PPP1R14D: variants seen among roughly 807,000 people sequenced by gnomAD.
PPP1R14D encodes protein phosphatase 1 regulatory inhibitor subunit 14D, also known as protein phosphatase 1 regulatory subunit 14D.
In PPP1R14D, 14 loss-of-function variants were observed where a neutral mutation model predicts 17.1. That is an observed-to-expected ratio of 0.82 (90% CI 0.54 to 1.28). The LOEUF is 1.28. Ranked by LOEUF, PPP1R14D falls within the 50% of genes most tolerant of loss-of-function variation. The pLI is 0.00. For missense variants in PPP1R14D, 173 were observed against 179.2 expected, an observed-to-expected ratio of 0.97 and a Z score of 0.20; for synonymous variants, 67 against 66.1, an observed-to-expected ratio of 1.01 and a Z score of -0.06.
intron 3 of PPP1R14D, 34 bp from the exon 4 acceptor site, chr15:40,815,795 G>T: frequency 6.4e-7 from 1 of 1,568,620 alleles, no homozygotes; most frequent in Non-Finnish European, 8.7e-7. Flanking sequence ...CCAGGCTTGG[G>T]GTCACAATTC....
intron 1 of PPP1R14D, among the ~76,000 whole-genome samples, chr15:40,816,901 G>C (rs763234373): frequency 1.3e-5 from 2 of 151,734 alleles, no homozygotes; most frequent in Non-Finnish European, 2.9e-5. Context: ...GTGAAATCCT[G>C]TCTCTACTAA....
chr15:40,826,108 G>A (rs1220451808), intron 1 of PPP1R14D, among the ~76,000 whole-genome samples: 2 of 152,200 alleles, frequency 1.3e-5, no homozygotes, highest in African/African-American at 2.4e-5. Flanking sequence ...AGCAGATACA[G>A]GCCAAGATAG....
intron 1 of PPP1R14D, among the ~76,000 whole-genome samples, chr15:40,821,838 G>C (rs1890783151): frequency 6.6e-6 from 1 of 152,240 alleles, no homozygotes; most frequent in Non-Finnish European, 1.5e-5. Context: ...TGAGGCAGGA[G>C]AATCAGTCAA....
At chr15:40,827,859 G>A (rs1001861996) in intron 1 of PPP1R14D, among the ~76,000 whole-genome samples, 3 of 152,158 alleles carry the variant, frequency 2.0e-5, no homozygotes, top group Non-Finnish European at 2.9e-5. Flanking sequence ...CCAGCAGGCA[G>A]AGCAGTGAGC....
rs547439334 is a variant in PPP1R14D at position 40,822,010 on chromosome 15, G to A, written c.256-5757C>T. On this transcript the variant is annotated intron_variant, in intron 1 of 3. Coordinates refer to ENST00000299174, the MANE Select transcript of PPP1R14D (RefSeq NM_017726.8). Reference sequence around the variant, plus strand: ...GTATCAGTCTTGGTCAGGTGCAGTGGCTTATGCCTGTAATCCCAGCACTTT... The same window carrying A: ...GTATCAGTCTTGGTCAGGTGCAGTGACTTATGCCTGTAATCCCAGCACTTT... Among the ~76,000 whole-genome samples, 6 of 152,278 alleles carry A rather than the reference G, an allele frequency of 3.9e-5. No individual in the cohort carries two copies. The South Asian group carries it at 1.2e-3, about 32-fold the overall frequency.
intron 1 of PPP1R14D, among the ~76,000 whole-genome samples, chr15:40,819,393 A>G (rs568576137): frequency 6.6e-6 from 1 of 152,146 alleles, no homozygotes; most frequent in African/African-American, 2.4e-5. Flanking sequence ...TACTAAAAAT[A>G]CAAAAATTAG....
chr15:40,826,664 C>T (rs1382313075), intron 1 of PPP1R14D, among the ~76,000 whole-genome samples: 1 of 152,228 alleles, frequency 6.6e-6, no homozygotes, highest in Non-Finnish European at 1.5e-5. Context: ...TCCATTCCCT[C>T]AGCTGTAAAG....
intron 1 of PPP1R14D, among the ~76,000 whole-genome samples, chr15:40,822,919 CT>C (rs1239786178): frequency 6.6e-6 from 1 of 151,558 alleles, no homozygotes; most frequent in Non-Finnish European, 1.5e-5. Flanking sequence ...CTACCTCAGC[CT>C]CTCAAGTAGC....
chr15:40,815,812 C>T (rs77318894), intron 3 of PPP1R14D, 51 bp from the exon 4 acceptor site: 6 of 1,516,698 alleles, frequency 4.0e-6, no homozygotes, highest in East Asian at 2.3e-5. Context: ...ATTCACCCCC[C>T]ACCCTGCCCT....
chr15:40,824,453 C>A (rs1208731085), intron 1 of PPP1R14D, among the ~76,000 whole-genome samples: 1 of 152,020 alleles, frequency 6.6e-6, no homozygotes, highest in Non-Finnish European at 1.5e-5. Context: ...TTACTGCAGC[C>A]TTGACCTCCC....
At chr15:40,826,361 A>C (rs1010043205) in intron 1 of PPP1R14D, among the ~76,000 whole-genome samples, 1 of 152,208 alleles carries the variant, frequency 6.6e-6, no homozygotes, top group Admixed American at 6.5e-5. Flanking sequence ...TGAGTCAACA[A>C]GAAAGAGAAA....
At chr15:40,822,742 C>T (rs1890802181) in intron 1 of PPP1R14D, among the ~76,000 whole-genome samples, 1 of 151,944 alleles carries the variant, frequency 6.6e-6, no homozygotes, top group Non-Finnish European at 1.5e-5. Flanking sequence ...CGTGAGCCAC[C>T]ATGCCTGGCC....
At chr15:40,820,568 T>G (rs1249321612) in intron 1 of PPP1R14D, among the ~76,000 whole-genome samples, 1 of 151,550 alleles carries the variant, frequency 6.6e-6, no homozygotes, top group Non-Finnish European at 1.5e-5. Context: ...AAAGAAAGAA[T>G]CAGGCCAGGT....
At chr15:40,827,448 C>CAGTG (rs1890886825) in intron 1 of PPP1R14D, among the ~76,000 whole-genome samples, 2 of 152,058 alleles carry the variant, frequency 1.3e-5, no homozygotes, top group South Asian at 4.1e-4. Context: ...GCGGAGGTTG[C>CAGTG]AGTGAGCCAA....
intron 1 of PPP1R14D, among the ~76,000 whole-genome samples, chr15:40,819,652 C>A (rs1375138235): frequency 6.6e-6 from 1 of 152,060 alleles, no homozygotes; most frequent in Non-Finnish European, 1.5e-5. Context: ...CTAGACCACA[C>A]TTCAAGAACT....
At chr15:40,816,284 G>A in intron 1 of PPP1R14D, 31 bp from the exon 2 acceptor site, 1 of 1,569,184 alleles carries the variant, frequency 6.4e-7, no homozygotes, top group Non-Finnish European at 8.8e-7. Flanking sequence ...TCTCAGAGGG[G>A]CCTGACCAGC....
At chr15:40,828,348 AG>A (rs1350513989) in intron 1 of PPP1R14D, 38 bp downstream of exon 1, 3 of 1,538,754 alleles carry the variant, frequency 1.9e-6, no homozygotes, top group Non-Finnish European at 2.6e-6. Context: ...GGTGGACCCC[AG>A]GCCCCCATCT....
At chr15:40,821,521 G>A (rs1372906864) in intron 1 of PPP1R14D, among the ~76,000 whole-genome samples, 1 of 152,118 alleles carries the variant, frequency 6.6e-6, no homozygotes, top group Non-Finnish European at 1.5e-5. Flanking sequence ...AACCTGGGTG[G>A]GCAGGGTAGT....
At position 40,816,004 on chromosome 15, in the gene PPP1R14D, A is replaced by C. The variant is rs761356177; in HGVS notation, c.340-10T>G. On this transcript the variant is annotated splice_polypyrimidine_tract_variant and intron_variant, in intron 2 of 3. Coordinates refer to ENST00000299174, the MANE Select transcript of PPP1R14D (RefSeq NM_017726.8). ...AGTTCCCAAGAATGGCCTAGATAGG[A>C]GAGAACACAGACAGGGCCCCAAGTC... The C allele has an allele frequency of 9.3e-6, 15 of 1,613,888 alleles. No homozygotes were observed. Among genetic ancestry groups the C allele is most frequent in the Middle Eastern group, 1.6e-4 (1 of 6,084 alleles).
Sources: allele counts gnomAD v4.1 joint callset (sites outside exome capture counted in the v4.1 genomes callset), GRCh38; gene constraint gnomAD v4.1.1; transcripts MANE v1.5; gene names NCBI Gene and HGNC (gene_info 2026-07-23, HGNC 2026-07-21).